Variants in ITGA11 observed in about 807,000 individuals in gnomAD.
ITGA11 encodes integrin subunit alpha 11.
A neutral mutation model predicts 141.9 loss-of-function variants in ITGA11; 97 were observed. That is an observed-to-expected ratio of 0.68 (90% CI 0.58 to 0.81). The LOEUF (loss-of-function observed/expected upper bound fraction) is 0.81. Ranked by LOEUF, ITGA11 falls within the 30% of genes least tolerant of loss-of-function variation. ITGA11 has a pLI of 0.00. For missense variants in ITGA11, 1,387 were observed against 1,559.2 expected, an observed-to-expected ratio of 0.89 and a Z score of 1.86; for synonymous variants, 658 against 624.6, an observed-to-expected ratio of 1.05 and a Z score of -0.80.
At chr15:68,371,643 GGGA>G (rs1011401090) in intron 2 of ITGA11, among the ~76,000 whole-genome samples, 2 of 152,068 alleles carry the variant, frequency 1.3e-5, no homozygotes, top group Admixed American at 6.5e-5. Flanking sequence ...ACTTGAATCT[GGGA>G]GGAGGAGGTT....
At position 68,302,968 on chromosome 15, in the gene ITGA11, C is replaced by T. The variant is rs930287000; in HGVS notation, c.*91G>A. On this transcript the variant is annotated 3_prime_UTR_variant, in exon 30 of 30. Coordinates refer to ENST00000315757, the MANE Select transcript of ITGA11 (RefSeq NM_001004439.2). The stretch of plus-strand genomic sequence containing the variant: ...GTGCAAAGCCAGCTGGCTTCCTCTC[C>T]GCTCCAGCTCGGTGGGGCCACAGGC... The T allele has an allele frequency of 2.3e-5, 25 of 1,078,418 alleles. No individual in the cohort carries two copies. Among genetic ancestry groups the T allele is most frequent in the Admixed American group, 1.3e-4 (5 of 37,270 alleles). The allele number at this position is 1,078,418 out of a possible 1,614,324, so 66.8% of individuals were successfully genotyped here.
intron 2 of ITGA11, among the ~76,000 whole-genome samples, chr15:68,374,123 G>T (rs1895667513): frequency 6.6e-6 from 1 of 151,320 alleles, no homozygotes; most frequent in South Asian, 2.1e-4. Context: ...AGACCAATGA[G>T]GGAGAAGCAG....
At chr15:68,353,782 C>G (rs1040944287) in intron 7 of ITGA11, among the ~76,000 whole-genome samples, 4 of 152,136 alleles carry the variant, frequency 2.6e-5, no homozygotes, top group Admixed American at 2.0e-4. Context: ...CGTCACAGCT[C>G]CTTTCTGCTC....
chr15:68,409,698 A>G (rs942491874), intron 1 of ITGA11, among the ~76,000 whole-genome samples: 3 of 152,154 alleles, frequency 2.0e-5, no homozygotes, highest in African/African-American at 7.2e-5. Flanking sequence ...GTACATGAAC[A>G]AAGCTCTTAC....
chr15:68,346,435 C>T (rs1894746567), intron 10 of ITGA11, among the ~76,000 whole-genome samples: 1 of 152,178 alleles, frequency 6.6e-6, no homozygotes, highest in Non-Finnish European at 1.5e-5. Flanking sequence ...AGACACAGAT[C>T]ATGATTTTAG....
In ITGA11 at chr15:68,307,675, C is replaced by G. The variant is rs199958868; in HGVS notation, c.3196G>C (p.Val1066Leu). 2 of 1,613,374 alleles carry G rather than the reference C, an allele frequency of 1.2e-6. No individual in the cohort carries two copies. Among genetic ancestry groups the G allele is most frequent in the Non-Finnish European group, 1.7e-6 (2 of 1,179,580 alleles). ...AGCCGTATATTGCAGTTGATGGAGA[C>G]GACATCAGAGTTGCTGTGATTCTGA... ...PQLNHSNSDV[V>L]SINCNIRLVP... Residue 1066 changes from valine (V) to leucine (L), a missense_variant, in exon 27 of 30, where the codon GTC becomes CTC. Coordinates refer to ENST00000315757, the MANE Select transcript of ITGA11 (RefSeq NM_001004439.2). This position sits in a 1 kb window ranked among gnomAD's most constrained non-coding sequence, Gnocchi z 6.1.
At position 68,305,540 on chromosome 15, in the gene ITGA11, C is replaced by A. The variant is rs1893164010; in HGVS notation, c.3382-1655G>T. Among the ~76,000 whole-genome samples the A allele has an allele frequency of 2.0e-5, 3 of 152,152 alleles. No homozygotes were observed. On this transcript the variant is annotated intron_variant, in intron 28 of 29. Coordinates refer to ENST00000315757, the MANE Select transcript of ITGA11 (RefSeq NM_001004439.2). This position sits in a 1 kb window ranked among gnomAD's most constrained non-coding sequence, Gnocchi z 4.6. ...ACACGTGGAGTGAATGGACCACCTG[C>A]AACAGCAGACAGAGCCATGTGGAGT... is the stretch of plus-strand genomic sequence containing the variant.
intron 13 of ITGA11, 35 bp downstream of exon 13, chr15:68,332,303 A>C (rs6494733): frequency 0.84 from 1,321,467 of 1,578,064 alleles, 554,487 homozygotes; most frequent in East Asian, 0.92. Flanking sequence ...GGTTGGGGGC[A>C]CCTGAGAAGC....
intron 2 of ITGA11, among the ~76,000 whole-genome samples, chr15:68,370,868 C>A (rs970390583): frequency 6.6e-6 from 1 of 152,110 alleles, no homozygotes; most frequent in Non-Finnish European, 1.5e-5. Flanking sequence ...AGGAGGTGGC[C>A]GGGAGGCTCG....
At chr15:68,356,376 T>C (rs562484679) in intron 7 of ITGA11, among the ~76,000 whole-genome samples, 33 of 152,152 alleles carry the variant, frequency 2.2e-4, no homozygotes, top group Admixed American at 1.4e-3. Flanking sequence ...AGTGCTAGGA[T>C]TACAGGTGAG....
intron 24 of ITGA11, among the ~76,000 whole-genome samples, chr15:68,312,515 T>C (rs1313522751): frequency 6.6e-6 from 1 of 152,136 alleles, no homozygotes; most frequent in Non-Finnish European, 1.5e-5. Flanking sequence ...TAAACCACTG[T>C]TTAAAAAAAA....
intron 1 of ITGA11, among the ~76,000 whole-genome samples, chr15:68,418,804 A>G (rs1033939492): frequency 1.3e-5 from 2 of 149,314 alleles, no homozygotes; most frequent in African/African-American, 4.9e-5. Flanking sequence ...TGGTTTTCCA[A>G]CTCCTAAGCT....
Position 68,389,088 on chromosome 15 carries a change from G to A in ITGA11, c.164+13830C>T, listed in dbSNP as rs184394862. 1.4e-3 allele frequency among the ~76,000 whole-genome samples: 213 copies of A among 152,044 alleles called. 2 individuals are homozygous for A. The highest frequency in any genetic ancestry group is 0.01 in the Admixed American group (159 of 15,280). ...CTTTCCCATGCTGTCCCCTCCATCT[G>A]CTGTACTCCTCTCACCCATGTGTAC... On this transcript the variant is annotated intron_variant, in intron 2 of 29. Transcript: ENST00000315757.
At position 68,335,844 on chromosome 15, in the gene ITGA11, C is replaced by A. The variant is rs1031932245; in HGVS notation, c.1278G>T (p.Gly426=). 6.2e-7 allele frequency: 1 copy of A among 1,612,488 alleles called. No homozygotes were observed. Among genetic ancestry groups the A allele is most frequent in the South Asian group, 1.1e-5 (1 of 90,668 alleles). The change falls in exon 12 of 30, where the codon GGG becomes GGT. Residue 426 remains glycine (G), a splice_region_variant and synonymous_variant. Transcript: ENST00000315757. The surrounding 1 kb of genome is among the most constrained non-coding windows in gnomAD (Gnocchi z 4.9). The part of the protein sequence containing the change: ...EELKNHGAYL[G]YTVTSVVSSR... ...AGGACACGACCGATGTGACTGTGTA[C>A]CCTGCCACAGGAGGAAACAGGCTGA... is the stretch of plus-strand genomic sequence containing the variant.
chr15:68,317,648 C>T (rs1433032467), intron 20 of ITGA11, among the ~76,000 whole-genome samples: 1 of 152,164 alleles, frequency 6.6e-6, no homozygotes, highest in Non-Finnish European at 1.5e-5. Context: ...TTTTGCTCAC[C>T]TGTTAAATGG....
At chr15:68,375,488 C>G (rs1224086489) in intron 2 of ITGA11, among the ~76,000 whole-genome samples, 1 of 152,178 alleles carries the variant, frequency 6.6e-6, no homozygotes, top group Non-Finnish European at 1.5e-5. Context: ...CAGTGGGGAC[C>G]CCGGGGCTGC....
rs1328365772 is a variant in ITGA11, at chr15:68,302,969, G to A, written c.*90C>T. The A allele has an allele frequency of 8.3e-6, 9 of 1,086,632 alleles. No homozygotes were observed. The highest frequency in any genetic ancestry group is 4.4e-5 in the South Asian group (3 of 67,712). 67.3% of individuals were successfully genotyped at this position (1,086,632 alleles called of 1,614,324 possible). ...TGCAAAGCCAGCTGGCTTCCTCTCCGCTCCAGCTCGGTGGGGCCACAGGCC... is the reference window on the plus strand; with the variant it reads ...TGCAAAGCCAGCTGGCTTCCTCTCCACTCCAGCTCGGTGGGGCCACAGGCC... On this transcript the variant is annotated 3_prime_UTR_variant, in exon 30 of 30. Coordinates refer to ENST00000315757, the MANE Select transcript of ITGA11 (RefSeq NM_001004439.2).
chr15:68,414,389 C>T (rs1209108213), intron 1 of ITGA11, among the ~76,000 whole-genome samples: 2 of 152,118 alleles, frequency 1.3e-5, no homozygotes, highest in East Asian at 1.9e-4. Context: ...CAGCTGGTTC[C>T]AGGACTCAGC....
At chr15:68,372,713 C>T (rs767959742) in intron 2 of ITGA11, among the ~76,000 whole-genome samples, 5 of 152,144 alleles carry the variant, frequency 3.3e-5, no homozygotes, top group South Asian at 2.1e-4. Context: ...CTGCTGGGCT[C>T]CTTGGCTCCC....
Sources: gnomAD v4.1 joint callset for allele counts (sites outside exome capture counted in the v4.1 genomes callset) on GRCh38, gnomAD v4.1.1 for gene constraint, Gnocchi (gnomAD v3.1) non-coding constraint, MANE v1.5 for transcripts, NCBI Gene and HGNC (gene_info 2026-07-23, HGNC 2026-07-21) for gene names.